Variants in MARF1 observed in about 807,000 individuals in gnomAD.
The protein encoded by MARF1 is meiosis regulator and mRNA stability factor 1.
In MARF1, 24 loss-of-function variants were observed where a neutral mutation model predicts 168.2. That is an observed-to-expected ratio of 0.14 (90% CI 0.10 to 0.20). MARF1 has a LOEUF of 0.20. Among genes scored for constraint, MARF1 ranks in the 10% least tolerant of loss-of-function variants. The probability of loss-of-function intolerance (pLI) is 1.00; values close to 1 mark genes in which losing one functional copy is unlikely to be tolerated. For synonymous variants in MARF1, 868 were observed against 822.4 expected (o/e 1.06, Z -0.95); for missense variants, 1,744 against 2,143.6 (o/e 0.81, Z 3.68).
intron 5 of MARF1, 147 bp from the exon 6 acceptor site, chr16:15,631,645 T>A (rs531566147): frequency 4.3e-6 from 2 of 470,582 alleles, no homozygotes; most frequent in Admixed American, 3.3e-5. Flanking sequence ...GTTACATAGG[T>A]ATACATGTGC....
intron 21 of MARF1, among the ~76,000 whole-genome samples, chr16:15,608,079 G>A (rs755483255): frequency 2.0e-5 from 3 of 152,118 alleles, no homozygotes; most frequent in African/African-American, 7.2e-5. Flanking sequence ...AAACACACAA[G>A]AGGAAGACCA....
chr16:15,604,603 C>A (rs555286964), intron 21 of MARF1, among the ~76,000 whole-genome samples: 9 of 152,264 alleles, frequency 5.9e-5, no homozygotes, highest in Non-Finnish European at 1.0e-4. Context: ...CTGTCCTCCC[C>A]CTGCCGGTCC....
rs1490975356 is a variant in MARF1 at position 15,623,166 on chromosome 16, C to G, written c.2271-43G>C. 3 of 1,442,872 alleles carry G rather than the reference C, an allele frequency of 2.1e-6. No individual in the cohort carries two copies. In the African/African-American group the frequency reaches 4.2e-5, roughly 20 times the overall value. The allele number at this position is 1,442,872 out of a possible 1,614,324, so 89.4% of individuals were successfully genotyped here. On this transcript the variant is annotated intron_variant, in intron 10 of 26. Coordinates refer to ENST00000396368, the MANE Select transcript of MARF1 (RefSeq NM_014647.4). ...ATTGACATTATTTTAAAAAACTGTT[C>G]TGTATATTTAGATTTTATCATTTAG...
intron 13 of MARF1, among the ~76,000 whole-genome samples, chr16:15,619,921 T>C (rs192159577): frequency 5.3e-4 from 81 of 152,332 alleles, no homozygotes; most frequent in African/African-American, 1.9e-3. Flanking sequence ...CCTAGCACTT[T>C]GGGAGGCTAA....
intron 21 of MARF1, among the ~76,000 whole-genome samples, chr16:15,606,696 T>C (rs777142194): frequency 6.6e-6 from 1 of 152,134 alleles, no homozygotes; most frequent in Non-Finnish European, 1.5e-5. Context: ...TGTGTGCTGT[T>C]TCCTAGTCTC....
At chr16:15,600,348 T>C in intron 25 of MARF1, 80 bp downstream of exon 25, 3 of 1,581,672 alleles carry the variant, frequency 1.9e-6, no homozygotes, top group South Asian at 2.2e-5. Context: ...GCTGGAGTCC[T>C]TTCCCTCGCT....
chr16:15,610,255 T>C (rs1354625902), intron 19 of MARF1: 1 of 154,110 alleles, frequency 6.5e-6, no homozygotes, highest in Non-Finnish European at 1.4e-5. Context: ...TAAGTGAGAA[T>C]GGGCCCTGGA....
chr16:15,640,429 C>T (rs564852436), intron 1 of MARF1, among the ~76,000 whole-genome samples: 1 of 152,324 alleles, frequency 6.6e-6, no homozygotes, highest in East Asian at 1.9e-4. Flanking sequence ...GCAAGCGAGG[C>T]ACCGTGGCTC....
At chr16:15,610,936 G>A (rs1379946328) in intron 19 of MARF1, 39 bp downstream of exon 19, 1 of 1,594,702 alleles carries the variant, frequency 6.3e-7, no homozygotes, top group Non-Finnish European at 8.6e-7. Context: ...AATAACAGGA[G>A]ATAGACAATA....
chr16:15,628,058 G>C (rs1478102917), intron 7 of MARF1, among the ~76,000 whole-genome samples: 1 of 152,072 alleles, frequency 6.6e-6, no homozygotes, highest in Non-Finnish European at 1.5e-5. Flanking sequence ...ACACAAAACT[G>C]GGTATAAACA....
intron 19 of MARF1, chr16:15,610,700 C>T (rs1439751610): frequency 6.3e-6 from 2 of 316,064 alleles, no homozygotes; most frequent in South Asian, 4.8e-5. Context: ...CATGTAGCCA[C>T]AGCCAGGCTG....
intron 22 of MARF1, among the ~76,000 whole-genome samples, chr16:15,603,771 G>GA (rs34220100): frequency 0.47 from 71,006 of 151,472 alleles, 17,170 homozygotes; most frequent in Middle Eastern, 0.59. Flanking sequence ...CTGCCTGGGG[G>GA]ACTGGCTGGC....
At chr16:15,614,869 C>G (rs564308341) in intron 16 of MARF1, among the ~76,000 whole-genome samples, 1 of 152,234 alleles carries the variant, frequency 6.6e-6, no homozygotes, top group Non-Finnish European at 1.5e-5. Flanking sequence ...ACCACAACCT[C>G]TACCTCCTGG....
intron 7 of MARF1, among the ~76,000 whole-genome samples, chr16:15,629,857 T>C (rs1317757568): frequency 1.3e-5 from 2 of 152,264 alleles, no homozygotes; most frequent in South Asian, 2.1e-4. Context: ...CCACAGGGAA[T>C]GCACAATAGA....
chr16:15,603,163 T>A (rs1596440940), intron 22 of MARF1, among the ~76,000 whole-genome samples: 1 of 152,374 alleles, frequency 6.6e-6, no homozygotes, highest in South Asian at 2.1e-4. Context: ...TATTTAATGA[T>A]GTGTCCCACA....
In MARF1 at chr16:15,598,906, G is replaced by A; in HGVS notation, c.4932C>T (p.Ile1644=). The part of the protein sequence containing the change: ...PSPQLRPDPV[I]LQSADLIQFE... ...ACTGAATGAGATCAGCAGATTGGAG[G>A]ATAACGGGGTCTGGTCTCAGCTGAG... The change falls in exon 26 of 27, where the codon ATC becomes ATT. Residue 1644 remains isoleucine (I), a synonymous_variant. Coordinates refer to ENST00000396368, the MANE Select transcript of MARF1 (RefSeq NM_014647.4). The A allele has an allele frequency of 1.2e-6, 2 of 1,614,024 alleles. No homozygotes were observed. Among genetic ancestry groups the A allele is most frequent in the Non-Finnish European group, 1.7e-6 (2 of 1,180,002 alleles).
intron 6 of MARF1, among the ~76,000 whole-genome samples, chr16:15,630,954 AC>A (rs1178510972): frequency 2.0e-5 from 3 of 151,928 alleles, no homozygotes; most frequent in African/African-American, 7.3e-5. Flanking sequence ...AACTGGAGAA[AC>A]CCCCATCTCT....
chr16:15,616,006 C>A lies in MARF1; in HGVS notation c.3078-1G>T. 1 of 1,481,176 alleles carries A rather than the reference C, an allele frequency of 6.8e-7. No homozygotes were observed. Among genetic ancestry groups the A allele is most frequent in the South Asian group, 1.4e-5 (1 of 73,276 alleles). 91.8% of individuals were successfully genotyped at this position (1,481,176 alleles called of 1,614,324 possible). Reference sequence around the variant, plus strand: ...CTCTGCAATGTAACAATCTGGAAAGCTGAAATAGGAAAAAACAACAAAAAA... The same window carrying A: ...CTCTGCAATGTAACAATCTGGAAAGATGAAATAGGAAAAAACAACAAAAAA... On this transcript the variant is annotated splice_acceptor_variant, in intron 15 of 26. Coordinates refer to ENST00000396368, the MANE Select transcript of MARF1 (RefSeq NM_014647.4). LOFTEE classifies it high-confidence loss of function.
intron 7 of MARF1, among the ~76,000 whole-genome samples, chr16:15,626,337 T>A (rs929378944): frequency 6.6e-6 from 1 of 152,184 alleles, no homozygotes; most frequent in Non-Finnish European, 1.5e-5. Flanking sequence ...TTACTAAAAA[T>A]TATTGTACAC....
Sources: gnomAD v4.1 joint callset for allele counts (sites outside exome capture counted in the v4.1 genomes callset) on GRCh38, gnomAD v4.1.1 for gene constraint, MANE v1.5 for transcripts, NCBI Gene and HGNC (gene_info 2026-07-23, HGNC 2026-07-21) for gene names.